Variants in XRCC4 observed in about 807,000 individuals in gnomAD.
XRCC4 encodes the protein DNA repair protein XRCC4.
XRCC4 carries 28 observed loss-of-function variants against 39.1 expected under a neutral mutation model. The ratio of observed to expected loss-of-function variants is 0.72; its 90% CI spans 0.53 to 0.98. The LOEUF (loss-of-function observed/expected upper bound fraction) is 0.98. Among genes scored for constraint, XRCC4 ranks in the 50% least tolerant of loss-of-function variants. The probability of loss-of-function intolerance (pLI) is 0.00; values close to 1 mark genes in which losing one functional copy is unlikely to be tolerated. For missense variants in XRCC4, 350 were observed against 376.4 expected (o/e 0.93, Z 0.58); for synonymous variants, 123 against 126.4 (o/e 0.97, Z 0.18).
At chr5:83,101,715 A>T (rs1745946299) in intron 1 of XRCC4, among the ~76,000 whole-genome samples, 1 of 152,100 alleles carries the variant, frequency 6.6e-6, no homozygotes, top group Admixed American at 6.6e-5. Context: ...TGTCCTGCTC[A>T]ACATTTTATG....
intron 6 of XRCC4, among the ~76,000 whole-genome samples, chr5:83,212,134 A>ATG (rs1751673254): frequency 6.6e-6 from 1 of 152,040 alleles, no homozygotes; most frequent in Non-Finnish European, 1.5e-5. Flanking sequence ...ACACATATGT[A>ATG]TGTGTGTATA....
At chr5:83,128,342 A>G (rs923190499) in intron 3 of XRCC4, among the ~76,000 whole-genome samples, 4 of 152,126 alleles carry the variant, frequency 2.6e-5, no homozygotes, top group Admixed American at 6.6e-5. Context: ...CATGGTGTAT[A>G]TGTGCCACAT....
chr5:83,359,938 G>A, the XRCC4 span, among the ~76,000 whole-genome samples: 1 of 152,180 alleles, frequency 6.6e-6, no homozygotes, highest in African/African-American at 2.4e-5. Context: ...ATCTACATTA[G>A]ATGTATCTTC....
chr5:83,293,016 C>T (rs1328711353), intron 7 of XRCC4, among the ~76,000 whole-genome samples: 1 of 151,728 alleles, frequency 6.6e-6, no homozygotes, highest in Non-Finnish European at 1.5e-5. Flanking sequence ...TTATTATAGA[C>T]CTTTTTTTTA....
chr5:83,337,143 A>G (rs957511977), intron 7 of XRCC4, among the ~76,000 whole-genome samples: 1 of 152,170 alleles, frequency 6.6e-6, no homozygotes, highest in African/African-American at 2.4e-5. Flanking sequence ...AAGAGAAAAA[A>G]GGCAAATACC....
intron 3 of XRCC4, among the ~76,000 whole-genome samples, chr5:83,167,285 T>C (rs142853042): frequency 4.9e-4 from 75 of 152,130 alleles, no homozygotes; most frequent in African/African-American, 1.7e-3. Flanking sequence ...TGGACAGAGA[T>C]TGTGACGTTT....
chr5:83,087,727 T>A (rs1181937060), intron 1 of XRCC4, among the ~76,000 whole-genome samples: 3 of 152,158 alleles, frequency 2.0e-5, no homozygotes, highest in Non-Finnish European at 4.4e-5. Flanking sequence ...CAAGATGTCA[T>A]ACTAAAATAC....
chr5:83,162,959 T>G (rs1270688834), intron 3 of XRCC4, among the ~76,000 whole-genome samples: 5 of 151,058 alleles, frequency 3.3e-5, no homozygotes, highest in Non-Finnish European at 5.9e-5. Flanking sequence ...TTTCTTTTTT[T>G]TTTTTGAGAC....
chr5:83,142,261 C>A (rs762223866), intron 3 of XRCC4, among the ~76,000 whole-genome samples: 13 of 151,086 alleles, frequency 8.6e-5, no homozygotes, highest in African/African-American at 3.2e-4. Context: ...ATGATATTAT[C>A]CAGTAGGTCC....
intron 7 of XRCC4, among the ~76,000 whole-genome samples, chr5:83,338,460 AC>A (rs1756658981): frequency 6.6e-6 from 1 of 152,210 alleles, no homozygotes; most frequent in East Asian, 1.9e-4. Context: ...GCTACAGTCC[AC>A]CCTGCATTTT....
intron 4 of XRCC4, among the ~76,000 whole-genome samples, chr5:83,197,168 G>T (rs1056591366): frequency 6.6e-6 from 1 of 151,634 alleles, no homozygotes; most frequent in African/African-American, 2.4e-5. Flanking sequence ...TGTGTATCAG[G>T]AAACCATGCA....
intron 3 of XRCC4, among the ~76,000 whole-genome samples, chr5:83,148,704 T>G (rs1748570252): frequency 6.6e-6 from 1 of 152,176 alleles, no homozygotes; most frequent in Non-Finnish European, 1.5e-5. Flanking sequence ...GTGCTCAATT[T>G]ATGTTATGCA....
intron 3 of XRCC4, among the ~76,000 whole-genome samples, chr5:83,125,799 A>T (rs1747230870): frequency 6.6e-6 from 1 of 152,116 alleles, no homozygotes; most frequent in African/African-American, 2.4e-5. Flanking sequence ...TCTGAATAAC[A>T]TGGTGAAGCT....
At chr5:83,266,244 G>A (rs189857920) in intron 7 of XRCC4, among the ~76,000 whole-genome samples, 1 of 150,290 alleles carries the variant, frequency 6.7e-6, no homozygotes, top group Admixed American at 6.7e-5. Context: ...AAAATAGGAG[G>A]TATATATTTT....
intron 1 of XRCC4, among the ~76,000 whole-genome samples, chr5:83,092,923 C>T (rs372379101): frequency 3.0e-4 from 46 of 151,694 alleles, no homozygotes; most frequent in African/African-American, 9.7e-4. Context: ...AACAAAATGG[C>T]GAGAAAGTTA....
intron 3 of XRCC4, among the ~76,000 whole-genome samples, chr5:83,117,469 CATTT>C (rs1304301400): frequency 6.6e-6 from 1 of 152,080 alleles, no homozygotes; most frequent in Non-Finnish European, 1.5e-5. Context: ...GAAAAATATT[CATTT>C]ATGAGTCAAA....
chr5:83,081,350 A>G (rs1744932869), intron 1 of XRCC4, among the ~76,000 whole-genome samples: 1 of 152,138 alleles, frequency 6.6e-6, no homozygotes. Flanking sequence ...ATCCTCAGCT[A>G]GCCTCCCTAA....
rs28360212 is a variant in XRCC4, at chr5:83,250,049, G to A, written c.746-8481G>A. On this transcript the variant is annotated intron_variant, in intron 6 of 7. Coordinates refer to ENST00000396027, the MANE Select transcript of XRCC4 (RefSeq NM_003401.5). ...ATTTCAAAAATCCTTAGACATCTCT[G>A]TGAAGAAATCACTAGCAAATGTCTT... is the stretch of plus-strand genomic sequence containing the variant. Among the ~76,000 whole-genome samples the A allele has an allele frequency of 5.3e-3, 812 of 152,206 alleles. 4 individuals carry two copies. Among genetic ancestry groups the A allele is most frequent in the African/African-American group, 0.019 (774 of 41,546 alleles).
Position 83,288,829 on chromosome 5 carries a change from A to AT in XRCC4, c.893+30157dup, listed in dbSNP as rs200602000. ...ATATCTGAATTTTGTGACTGGCATTATTTTTAGAAAATTCTTGATAATTAT... is the reference window on the plus strand; with the variant it reads ...ATATCTGAATTTTGTGACTGGCATTATTTTTTAGAAAATTCTTGATAATTAT... On this transcript the variant is annotated intron_variant, in intron 7 of 7. Transcript: ENST00000396027. Among the ~76,000 whole-genome samples the AT allele has an allele frequency of 8.6e-3, 1,313 of 151,902 alleles. 11 individuals are homozygous for AT. The highest frequency in any genetic ancestry group is 0.026 in the African/African-American group (1,077 of 41,498).
Sources: allele counts gnomAD v4.1 joint callset (sites outside exome capture counted in the v4.1 genomes callset), GRCh38; gene constraint gnomAD v4.1.1; transcripts MANE v1.5; gene names NCBI Gene and HGNC (gene_info 2026-07-23, HGNC 2026-07-21).